ALPK3: variants seen among roughly 807,000 people sequenced by gnomAD.
The protein encoded by ALPK3 is alpha kinase 3.
ALPK3 carries 102 observed loss-of-function variants against 140.0 expected under a neutral mutation model. That is an observed-to-expected ratio of 0.73 (90% CI 0.62 to 0.86). ALPK3 has a LOEUF of 0.86. ALPK3 is among the 40% of genes least tolerant of loss of function. The pLI is 0.00. For synonymous variants in ALPK3, 938 were observed against 898.5 expected, an observed-to-expected ratio of 1.04 and a Z score of -0.79; for missense variants, 2,254 against 2,208.2, an observed-to-expected ratio of 1.02 and a Z score of -0.42.
chr15:84,838,435 C>A (rs1963618477), intron 3 of ALPK3, among the ~76,000 whole-genome samples: 1 of 152,046 alleles, frequency 6.6e-6, no homozygotes, highest in Non-Finnish European at 1.5e-5. Flanking sequence ...TATTTTCCTT[C>A]CTATTGCTGA....
chr15:84,820,606 G>A (rs1201187154), intron 1 of ALPK3, among the ~76,000 whole-genome samples: 1 of 151,716 alleles, frequency 6.6e-6, no homozygotes, highest in Non-Finnish European at 1.5e-5. Flanking sequence ...TCAACCTCCC[G>A]AGTAGTCTGA....
intron 1 of ALPK3, 128 bp from the exon 2 acceptor site, chr15:84,823,202 C>A: frequency 9.8e-7 from 1 of 1,021,112 alleles, no homozygotes; most frequent in Non-Finnish European, 1.5e-6. Context: ...ACTAAGACAG[C>A]TGGTCCCTTT....
chr15:84,867,800 C>T (rs564594603), intron 13 of ALPK3, among the ~76,000 whole-genome samples: 3 of 152,140 alleles, frequency 2.0e-5, no homozygotes, highest in Non-Finnish European at 2.9e-5. Context: ...AGGCCTTGGG[C>T]CAGGCATGGT....
At position 84,840,671 on chromosome 15, in the gene ALPK3, C is replaced by G. The variant is rs746598957; in HGVS notation, c.1392C>G (p.Gly464=). 1 of 1,592,118 alleles carries G rather than the reference C, an allele frequency of 6.3e-7. No individual in the cohort carries two copies. The highest frequency in any genetic ancestry group is 8.5e-7 in the Non-Finnish European group (1 of 1,169,888). ...ARSEGVPGAP[G]QPTHSLTPQP... The stretch of plus-strand genomic sequence containing the variant: ...GCGAGGGGGTGCCTGGCGCTCCTGG[C>G]CAGCCCACACACTCCTTGACCCCCC... The change falls in exon 5 of 14, where the codon GGC becomes GGG. Residue 464 remains glycine (G), a synonymous_variant. Transcript: ENST00000258888.
chr15:84,837,203 G>A (rs1478021558), intron 3 of ALPK3, among the ~76,000 whole-genome samples: 1 of 152,204 alleles, frequency 6.6e-6, no homozygotes, highest in Non-Finnish European at 1.5e-5. Context: ...GGGGCTGGAG[G>A]AGGCTGTGGG....
chr15:84,868,145 C>G lies in ALPK3; in HGVS notation c.4807C>G (p.Leu1603Val). ...CCTCAAGGAAAGCTGCTTCCCTGCCCTGCTGGACCGGTTCGCCTCCTCCCA... is the reference window on the plus strand; with the variant it reads ...CCTCAAGGAAAGCTGCTTCCCTGCCGTGCTGGACCGGTTCGCCTCCTCCCA... The part of the protein sequence containing the change: ...QGLKESCFPA[L>V]LDRFASSHQC... Residue 1603 changes from leucine to valine, a missense_variant, in exon 14 of 14, where the codon CTG (leucine) becomes GTG (valine). Coordinates refer to ENST00000258888, the MANE Select transcript of ALPK3 (RefSeq NM_020778.5). 6.2e-7 allele frequency: 1 copy of G among 1,613,796 alleles called. No individual in the cohort carries two copies. Among genetic ancestry groups the G allele is most frequent in the Non-Finnish European group, 8.5e-7 (1 of 1,179,778 alleles).
chr15:84,854,039 C>G (rs1240340983), intron 5 of ALPK3, among the ~76,000 whole-genome samples: 1 of 151,722 alleles, frequency 6.6e-6, no homozygotes, highest in Non-Finnish European at 1.5e-5. Flanking sequence ...CAGAAAATTC[C>G]TAATTTAGTA....
chr15:84,840,998 C>G (rs1053952646), intron 5 of ALPK3, 66 bp downstream of exon 5: 28 of 1,483,160 alleles, frequency 1.9e-5, no homozygotes, highest in Admixed American at 2.5e-5. Flanking sequence ...ACTCTTGCTG[C>G]AACTGCTGGG....
intron 5 of ALPK3, among the ~76,000 whole-genome samples, chr15:84,854,829 C>T (rs1485504827): frequency 6.6e-6 from 1 of 152,150 alleles, no homozygotes; most frequent in African/African-American, 2.4e-5. Context: ...ATTCTAAACC[C>T]CACTTGATTT....
chr15:84,867,996 A>T, intron 13 of ALPK3, 115 bp from the exon 14 acceptor site: 1 of 1,039,688 alleles, frequency 9.6e-7, no homozygotes, highest in Non-Finnish European at 1.4e-6. Context: ...ACCCTCAGAT[A>T]AGGTAGGATG....
chr15:84,836,184 A>G (rs75315275), intron 3 of ALPK3, among the ~76,000 whole-genome samples: 10,402 of 152,266 alleles, frequency 0.068, 440 homozygotes, highest in Non-Finnish European at 0.095. Flanking sequence ...GAGGCAAGCC[A>G]GCAGGACCAC....
At position 84,834,685 on chromosome 15, in the gene ALPK3, C is replaced by T. The variant is rs570892131; in HGVS notation, c.305-4295C>T. Among the ~76,000 whole-genome samples the T allele has an allele frequency of 2.0e-5, 3 of 152,330 alleles. No individual in the cohort carries two copies. In the South Asian group the frequency reaches 6.2e-4, roughly 32 times the overall value. On this transcript the variant is annotated intron_variant, in intron 3 of 13. Coordinates refer to ENST00000258888, the MANE Select transcript of ALPK3 (RefSeq NM_020778.5). The stretch of plus-strand genomic sequence containing the variant: ...AGGCTGCAAGTTTCCAAGCTGGGTT[C>T]TTGAGTCAGGTCTGCTGGCTGTGAA...
rs963645251 is a variant in ALPK3 at position 84,870,776 on chromosome 15, G to A, written c.*2320G>A. 2.6e-5 allele frequency: 4 copies of A among 152,228 alleles called. No homozygotes were observed. Among genetic ancestry groups the A allele is most frequent in the African/African-American group, 9.7e-5 (4 of 41,448 alleles). 9.4% of individuals were successfully genotyped at this position (152,228 alleles called of 1,614,324 possible). ...GGCTTCATAGAGTGGGAGGGGGGCA[G>A]TCTTCCAAAAGATGCGGACTCTTGC... is the stretch of plus-strand genomic sequence containing the variant. On this transcript the variant is annotated 3_prime_UTR_variant, in exon 14 of 14. Transcript: ENST00000258888.
Position 84,840,502 on chromosome 15 carries a change from G to C in ALPK3, c.1223G>C (p.Gly408Ala). The C allele has an allele frequency of 6.2e-7, 1 of 1,612,322 alleles. No homozygotes were observed. Among genetic ancestry groups the C allele is most frequent in the African/African-American group, 1.3e-5 (1 of 74,940 alleles). The change falls in exon 5 of 14, where the codon GGC (glycine) becomes GCC (alanine). Residue 408 changes from glycine to alanine, a missense_variant. This residue lies in a region of ALPK3 where 2,088 missense variants were observed against 2,022.9 expected (regional missense o/e 1.03). Transcript: ENST00000258888. ...CAGAAGGCCCCTGGCCCAGGCCCAG[G>C]CCAGGAAGTGTATTTCTCCTTGAAG... The part of the protein sequence containing the change: ...KAQKAPGPGP[G>A]QEVYFSLKDM...
In ALPK3 at chr15:84,857,136, C is replaced by A. The variant is rs141673424; in HGVS notation, c.2398C>A (p.Leu800Ile). 2 of 1,614,024 alleles carry A rather than the reference C, an allele frequency of 1.2e-6. No homozygotes were observed. Among genetic ancestry groups the A allele is most frequent in the Non-Finnish European group, 1.7e-6 (2 of 1,179,986 alleles). ...GGGTCCCCTGTCAGGGAACCTCATG[C>A]TCCCAGCACAGCCGCCCCATGAGGG... The part of the protein sequence containing the change: ...VLGPLSGNLM[L>I]PAQPPHEGSV... The change falls in exon 6 of 14, where the codon CTC (leucine) becomes ATC (isoleucine). Residue 800 changes from leucine to isoleucine, a missense_variant. By Grantham distance (5) the Leu-to-Ile change is conservative (BLOSUM62 2). Coordinates refer to ENST00000258888, the MANE Select transcript of ALPK3 (RefSeq NM_020778.5).
chr15:84,839,812 A>G lies in ALPK3; in HGVS notation c.533A>G (p.His178Arg). 3 of 1,614,076 alleles carry G rather than the reference A, an allele frequency of 1.9e-6. No individual in the cohort carries two copies. Among genetic ancestry groups the G allele is most frequent in the Non-Finnish European group, 2.5e-6 (3 of 1,180,026 alleles). ...EVGTMTEYKI[H>R]QRWFAKLKRK... ...GGCACCATGACTGAGTACAAGATCCACCAGCGCTGGTTCGCCAAGTTGAAG... is the reference window on the plus strand; with the variant it reads ...GGCACCATGACTGAGTACAAGATCCGCCAGCGCTGGTTCGCCAAGTTGAAG... The change falls in exon 5 of 14, where the codon CAC (histidine) becomes CGC (arginine). Residue 178 changes from histidine (H) to arginine (R), a missense_variant. This residue lies in a region of ALPK3 where 2,088 missense variants were observed against 2,022.9 expected (regional missense o/e 1.03). Transcript: ENST00000258888.
intron 5 of ALPK3, among the ~76,000 whole-genome samples, chr15:84,844,208 A>G (rs1307537648): frequency 6.6e-6 from 1 of 152,166 alleles, no homozygotes; most frequent in African/African-American, 2.4e-5. Context: ...AGCCTGGGTG[A>G]CAGAGTGAGG....
chr15:84,828,186 C>T (rs1284014614), intron 3 of ALPK3, among the ~76,000 whole-genome samples: 1 of 152,228 alleles, frequency 6.6e-6, no homozygotes, highest in African/African-American at 2.4e-5. Context: ...TGAGTTAATA[C>T]ATGCAAAGTG....
intron 9 of ALPK3, 103 bp from the exon 10 acceptor site, chr15:84,862,532 G>A (rs1334404133): frequency 5.0e-6 from 7 of 1,403,058 alleles, no homozygotes; most frequent in Non-Finnish European, 5.8e-6. Context: ...AGCCCAGCAG[G>A]TTGGCAGGGT....
Sources: gnomAD v4.1 joint callset for allele counts (sites outside exome capture counted in the v4.1 genomes callset) on GRCh38, gnomAD v4.1.1 for gene constraint, gnomAD v4.1.1 regional missense constraint, MANE v1.5 for transcripts, NCBI Gene and HGNC (gene_info 2026-07-23, HGNC 2026-07-21) for gene names.